The following THSD7B variants were observed in gnomAD, a reference collection of about 807,000 sequenced individuals.
THSD7B encodes the protein thrombospondin type-1 domain-containing protein 7B.
Under a neutral mutation model 213.6 loss-of-function variants are expected in THSD7B, and 138 were observed. The ratio of observed to expected loss-of-function variants is 0.65; its 90% CI spans 0.56 to 0.74. The LOEUF (loss-of-function observed/expected upper bound fraction) is 0.74, where lower values mean the gene tolerates loss of function less well. Ranked by LOEUF, THSD7B falls within the 30% of genes least tolerant of loss-of-function variation. The pLI is 0.00. For missense variants in THSD7B, 1,931 were observed against 1,991.5 expected, an observed-to-expected ratio of 0.97 and a Z score of 0.58; for synonymous variants, 742 against 687.0, an observed-to-expected ratio of 1.08 and a Z score of -1.25.
At chr2:136,987,676 G>T (rs1046541705) in intron 2 of THSD7B, among the ~76,000 whole-genome samples, 2 of 152,144 alleles carry the variant, frequency 1.3e-5, no homozygotes, top group Non-Finnish European at 2.9e-5. Context: ...TCATAACTTT[G>T]CTTGGATTAT....
At position 137,485,649 on chromosome 2, in the gene THSD7B, G is replaced by T. The variant is rs942758528; in HGVS notation, c.3138+34626G>T. Among the ~76,000 whole-genome samples, 3 of 152,074 alleles carry T rather than the reference G, an allele frequency of 2.0e-5. No homozygotes were observed. In the East Asian group the frequency reaches 5.8e-4, roughly 29 times the overall value. On this transcript the variant is annotated intron_variant, in intron 15 of 27. Transcript: ENST00000409968. Reference sequence around the variant, plus strand: ...TTCAGATTCAGGAAATACAGAGAATGCCACAAAGATACTCCTCGAGAAGTG... The same window carrying T: ...TTCAGATTCAGGAAATACAGAGAATTCCACAAAGATACTCCTCGAGAAGTG...
chr2:137,046,505 A>G (rs988286211), intron 2 of THSD7B, among the ~76,000 whole-genome samples: 1 of 152,056 alleles, frequency 6.6e-6, no homozygotes, highest in Non-Finnish European at 1.5e-5. Flanking sequence ...CGAGGTGGGC[A>G]GATCGCCTGA....
chr2:137,290,202 C>T (rs1683293512), intron 12 of THSD7B, among the ~76,000 whole-genome samples: 1 of 151,538 alleles, frequency 6.6e-6, no homozygotes, highest in African/African-American at 2.4e-5. Context: ...GATTCTCCTG[C>T]CTCAGCCTCC....
intron 2 of THSD7B, among the ~76,000 whole-genome samples, chr2:137,027,414 A>G (rs893709858): frequency 1.3e-5 from 2 of 152,160 alleles, no homozygotes; most frequent in African/African-American, 4.8e-5. Context: ...GAAAAAGAAG[A>G]TCGAATTACA....
chr2:137,080,698 C>CTCT (rs150038004), intron 3 of THSD7B, among the ~76,000 whole-genome samples: 119 of 151,822 alleles, frequency 7.8e-4, no homozygotes, highest in South Asian at 7.1e-3. Context: ...CATTTTCTCT[C>CTCT]TCTTCTTCTT....
chr2:137,258,801 A>G (rs187954971), intron 10 of THSD7B, among the ~76,000 whole-genome samples: 10 of 151,802 alleles, frequency 6.6e-5, no homozygotes, highest in Admixed American at 5.9e-4. Flanking sequence ...CCCCGCATGC[A>G]TTAGGTATTT....
chr2:136,857,795 G>A (rs13421832), intron 1 of THSD7B, among the ~76,000 whole-genome samples: 21,362 of 152,148 alleles, frequency 0.14, 1,584 homozygotes, highest in Middle Eastern at 0.34. Context: ...TAAATAATTT[G>A]AGGAACAAAG....
chr2:137,560,985 A>G (rs1348583147), intron 15 of THSD7B, among the ~76,000 whole-genome samples: 1 of 152,190 alleles, frequency 6.6e-6, no homozygotes, highest in African/African-American at 2.4e-5. Context: ...TTTGTCAGCT[A>G]GAATGAACAG....
chr2:137,549,293 CT>C (rs1312070071), intron 15 of THSD7B, among the ~76,000 whole-genome samples: 1 of 109,786 alleles, frequency 9.1e-6, no homozygotes. Context: ...GCAGACATGT[CT>C]TTTTTTTCAG....
intron 5 of THSD7B, among the ~76,000 whole-genome samples, chr2:137,143,034 T>G (rs1458806834): frequency 1.3e-5 from 2 of 152,126 alleles, no homozygotes; most frequent in Non-Finnish European, 2.9e-5. Context: ...TACCAAGGTA[T>G]ATGTAATTGG....
intron 5 of THSD7B, among the ~76,000 whole-genome samples, chr2:137,116,790 C>T (rs1688453701): frequency 6.6e-6 from 1 of 152,090 alleles, no homozygotes; most frequent in African/African-American, 2.4e-5. Context: ...TAGATGCTTA[C>T]ATAGTGTGGG....
At chr2:137,451,919 T>G (rs982328038) in intron 15 of THSD7B, 14 of 251,102 alleles carry the variant, frequency 5.6e-5, no homozygotes, top group African/African-American at 3.2e-4. Flanking sequence ...CATGCTTCTA[T>G]TACTAATTCT....
At chr2:137,672,419 G>C (rs1025202073) in intron 27 of THSD7B, among the ~76,000 whole-genome samples, 1 of 152,094 alleles carries the variant, frequency 6.6e-6, no homozygotes, top group African/African-American at 2.4e-5. Flanking sequence ...TCTTTCTCTT[G>C]AGTGATGCCC....
intron 10 of THSD7B, among the ~76,000 whole-genome samples, chr2:137,260,770 A>G (rs1463285479): frequency 6.6e-6 from 1 of 152,202 alleles, no homozygotes; most frequent in East Asian, 1.9e-4. Context: ...GTCTCAAAAA[A>G]TAAATAAATA....
At chr2:136,875,420 A>C (rs1193856342) in intron 1 of THSD7B, among the ~76,000 whole-genome samples, 1 of 152,232 alleles carries the variant, frequency 6.6e-6, no homozygotes, top group Non-Finnish European at 1.5e-5. Flanking sequence ...AGACTGTCAA[A>C]AAATAAATAA....
chr2:137,295,250 T>C (rs1683434716), intron 12 of THSD7B, among the ~76,000 whole-genome samples: 1 of 152,144 alleles, frequency 6.6e-6, no homozygotes, highest in Non-Finnish European at 1.5e-5. Context: ...AACTTGTCAA[T>C]TGAATGAGTA....
At position 136,789,299 on chromosome 2, in the gene THSD7B, C is replaced by G. The variant is rs543122819; in HGVS notation, c.-36+23612C>G. The stretch of plus-strand genomic sequence containing the variant: ...ATGTGAGTTTCCCAATCCTAAAGAG[C>G]TGATGATCACTACTTAGTTTTATTT... On this transcript the variant is annotated intron_variant, in intron 1 of 27. Coordinates refer to ENST00000409968, the MANE Select transcript of THSD7B (RefSeq NM_001316349.2). 2.0e-5 allele frequency among the ~76,000 whole-genome samples: 3 copies of G among 151,950 alleles called. No individual in the cohort carries two copies. In the South Asian group the frequency reaches 6.2e-4, roughly 32 times the overall value.
At chr2:136,944,006 C>G (rs1006316128) in intron 2 of THSD7B, among the ~76,000 whole-genome samples, 4 of 152,128 alleles carry the variant, frequency 2.6e-5, no homozygotes, top group Admixed American at 2.0e-4. Flanking sequence ...CCTGCTTTCT[C>G]TTGTGGGCAT....
intron 5 of THSD7B, among the ~76,000 whole-genome samples, chr2:137,149,535 A>G (rs6430681): frequency 0.75 from 113,976 of 152,154 alleles, 42,875 homozygotes; most frequent in African/African-American, 0.77. Flanking sequence ...TCAATGCCAC[A>G]CTGTGAGGGC....
Sources: gnomAD v4.1 joint callset for allele counts (sites outside exome capture counted in the v4.1 genomes callset) on GRCh38, gnomAD v4.1.1 for gene constraint, MANE v1.5 for transcripts, NCBI Gene and HGNC (gene_info 2026-07-23, HGNC 2026-07-21) for gene names.